The following PRTG variants were observed in gnomAD, a reference collection of about 807,000 sequenced individuals.
PRTG encodes the protein protogenin, also known as immunoglobulin superfamily, DCC subclass, member 5.
PRTG carries 67 observed loss-of-function variants against 122.5 expected under a neutral mutation model. The ratio of observed to expected loss-of-function variants is 0.55; its 90% CI spans 0.45 to 0.67. PRTG has a LOEUF of 0.67. PRTG is among the 30% of genes least tolerant of loss of function. The pLI is 0.00. For synonymous variants in PRTG, 554 were observed against 501.1 expected, an observed-to-expected ratio of 1.11 and a Z score of -1.41; for missense variants, 1,435 against 1,415.4, an observed-to-expected ratio of 1.01 and a Z score of -0.22.
intron 6 of PRTG, 170 bp from the exon 7 acceptor site, chr15:55,679,615 C>T: frequency 1.8e-6 from 1 of 544,786 alleles, no homozygotes; most frequent in African/African-American, 1.9e-5. Flanking sequence ...CTCGGCATTG[C>T]TCAGTGTTCA....
At position 55,619,864 on chromosome 15, in the gene PRTG, G is replaced by T; in HGVS notation, c.*148C>A. The T allele has an allele frequency of 1.5e-6, 2 of 1,366,694 alleles. No individual in the cohort carries two copies. Among genetic ancestry groups the T allele is most frequent in the South Asian group, 1.5e-5 (1 of 68,156 alleles). 84.7% of individuals were successfully genotyped at this position (1,366,694 alleles called of 1,614,324 possible). On this transcript the variant is annotated 3_prime_UTR_variant, in exon 20 of 20. Coordinates refer to ENST00000389286, the MANE Select transcript of PRTG (RefSeq NM_173814.6). ...GAGAATACCTGAGCATGGCCGTCTA[G>T]ATTGGAAAATCATTTTTATCAAAGC... is the stretch of plus-strand genomic sequence containing the variant.
intron 2 of PRTG, among the ~76,000 whole-genome samples, chr15:55,691,548 G>T (rs909486506): frequency 6.6e-6 from 1 of 151,596 alleles, no homozygotes; most frequent in Admixed American, 6.6e-5. Context: ...GGGCATGGTG[G>T]CGTACGCCTG....
At chr15:55,679,754 A>G in intron 6 of PRTG, 1 of 426,456 alleles carries the variant, frequency 2.3e-6, no homozygotes, top group Non-Finnish European at 4.2e-6. Context: ...AATAATCAAG[A>G]GATTAAATTT....
At chr15:55,702,874 G>C in intron 2 of PRTG, 3 of 983,336 alleles carry the variant, frequency 3.1e-6, no homozygotes, top group South Asian at 9.4e-5. Context: ...GCACACACAG[G>C]ATTGCAATTC....
intron 2 of PRTG, among the ~76,000 whole-genome samples, chr15:55,736,639 A>AT (rs1294329651): frequency 6.6e-6 from 1 of 152,094 alleles, no homozygotes; most frequent in African/African-American, 2.4e-5. Flanking sequence ...GCACCCCCAA[A>AT]CAACCTTACC....
At chr15:55,661,056 TA>T (rs1282666607) in intron 11 of PRTG, among the ~76,000 whole-genome samples, 1 of 152,230 alleles carries the variant, frequency 6.6e-6, no homozygotes, top group Non-Finnish European at 1.5e-5. Context: ...CATAAAGTGA[TA>T]GGGGATTCCA....
chr15:55,622,756 G>T (rs999668361), intron 18 of PRTG, among the ~76,000 whole-genome samples: 3 of 151,484 alleles, frequency 2.0e-5, no homozygotes, highest in Non-Finnish European at 2.9e-5. Flanking sequence ...GGCTGGTCTC[G>T]AACTCCCGAC....
At position 55,637,163 on chromosome 15, in the gene PRTG, T is replaced by C; in HGVS notation, c.2623+7A>G. The C allele has an allele frequency of 6.5e-7, 1 of 1,533,112 alleles. No individual in the cohort carries two copies. Among genetic ancestry groups the C allele is most frequent in the Non-Finnish European group, 8.8e-7 (1 of 1,137,380 alleles). The allele number at this position is 1,533,112 out of a possible 1,614,324, so 95.0% of individuals were successfully genotyped here. On this transcript the variant is annotated splice_region_variant and intron_variant, in intron 15 of 19. Coordinates refer to ENST00000389286, the MANE Select transcript of PRTG (RefSeq NM_173814.6). ...TTTCACCCTTCATGGCAATTTATGA[T>C]ATTTACCTTCACGGTGTAAGACCTG...
chr15:55,641,347 T>C (rs1298692653), intron 11 of PRTG, 139 bp from the exon 12 acceptor site: 1 of 608,794 alleles, frequency 1.6e-6, no homozygotes, highest in Non-Finnish European at 2.9e-6. Context: ...TTACTGCTCA[T>C]TGACTCAGCA....
rs947446000 is a variant in PRTG, at chr15:55,611,633, T to G, written c.*8379A>C. The G allele has an allele frequency of 3.3e-5, 5 of 152,234 alleles. No homozygotes were observed. The allele number at this position is 152,234 out of a possible 1,614,324, so 9.4% of individuals were successfully genotyped here. ...TCATAAACATTTTGGCATTTAAACT[T>G]TTATTCATTTTTGGCATGACCTATA... On this transcript the variant is annotated 3_prime_UTR_variant, in exon 20 of 20. Transcript: ENST00000389286.
intron 11 of PRTG, among the ~76,000 whole-genome samples, chr15:55,651,086 A>G (rs117807012): frequency 3.2e-4 from 48 of 152,294 alleles, no homozygotes; most frequent in African/African-American, 1.1e-3. Flanking sequence ...TTTTGGGCCT[A>G]TTTTGTAAAA....
rs142300246 is a variant in PRTG at position 55,614,684 on chromosome 15, T to A, written c.*5328A>T. ...TTATGAAGCACATATTCAGAAACTT[T>A]AAAGATAAATTGTTTCACAAGTATT... On this transcript the variant is annotated 3_prime_UTR_variant, in exon 20 of 20. Transcript: ENST00000389286. 6.6e-5 allele frequency: 10 copies of A among 152,312 alleles called. No individual in the cohort carries two copies. The highest frequency in any genetic ancestry group is 2.4e-4 in the African/African-American group (10 of 41,580). 9.4% of individuals were successfully genotyped at this position (152,312 alleles called of 1,614,324 possible). A position where few individuals can be genotyped will look rare whatever the true frequency, so the allele number is the denominator to read the frequency against.
At chr15:55,688,693 G>C (rs561734556) in intron 2 of PRTG, among the ~76,000 whole-genome samples, 1 of 152,296 alleles carries the variant, frequency 6.6e-6, no homozygotes, top group South Asian at 2.1e-4. Flanking sequence ...AATTAGCTGG[G>C]CGTTGTGGTG....
intron 11 of PRTG, among the ~76,000 whole-genome samples, chr15:55,658,634 T>A (rs1414846137): frequency 6.6e-6 from 1 of 152,178 alleles, no homozygotes; most frequent in Non-Finnish European, 1.5e-5. Context: ...TATTTTCTTA[T>A]GATAGGTCTC....
chr15:55,635,585 A>T (rs1294332818), intron 15 of PRTG, among the ~76,000 whole-genome samples: 1 of 152,206 alleles, frequency 6.6e-6, no homozygotes, highest in Non-Finnish European at 1.5e-5. Flanking sequence ...ATAAACATAA[A>T]ATCATATTGC....
intron 8 of PRTG, 82 bp from the exon 9 acceptor site, chr15:55,675,765 T>C (rs2059499231): frequency 2.6e-6 from 2 of 780,404 alleles, no homozygotes; most frequent in Non-Finnish European, 4.2e-6. Flanking sequence ...TGTGAAACAC[T>C]GGTCCTTGGG....
At chr15:55,717,680 T>C (rs1351504299) in intron 2 of PRTG, among the ~76,000 whole-genome samples, 2 of 152,258 alleles carry the variant, frequency 1.3e-5, no homozygotes, top group South Asian at 2.1e-4. Context: ...ACATCTATGT[T>C]GCTTTCTCAT....
At chr15:55,620,963 G>T (rs1359936846) in intron 18 of PRTG, among the ~76,000 whole-genome samples, 196 bp from the exon 19 acceptor site, 1 of 152,120 alleles carries the variant, frequency 6.6e-6, no homozygotes, top group Non-Finnish European at 1.5e-5. Context: ...TGGGGACTGG[G>T]CTTCTAATGT....
At chr15:55,731,366 CTTTTTTTT>C (rs10658460) in intron 2 of PRTG, among the ~76,000 whole-genome samples, 1 of 103,778 alleles carries the variant, frequency 9.6e-6, no homozygotes, top group African/African-American at 3.9e-5. Flanking sequence ...CCTTATCATT[CTTTTTTTT>C]TTTTTTTTTT....
Sources: gnomAD v4.1 joint callset for allele counts (sites outside exome capture counted in the v4.1 genomes callset) on GRCh38, gnomAD v4.1.1 for gene constraint, MANE v1.5 for transcripts, NCBI Gene and HGNC (gene_info 2026-07-23, HGNC 2026-07-21) for gene names.